VOPP1: variants seen among roughly 807,000 people sequenced by gnomAD.
The protein encoded by VOPP1 is VOPP1 WW domain binding protein.
Under a neutral mutation model 23.5 loss-of-function variants are expected in VOPP1, and 8 were observed. The ratio of observed to expected loss-of-function variants is 0.34; its 90% CI spans 0.20 to 0.61. VOPP1 has a LOEUF of 0.61. VOPP1 is among the 20% of genes least tolerant of loss of function. The probability of loss-of-function intolerance (pLI) is 0.78; values close to 1 mark genes in which losing one functional copy is unlikely to be tolerated. For synonymous variants in VOPP1, 83 were observed against 97.3 expected, an observed-to-expected ratio of 0.85 and a Z score of 0.86; for missense variants, 174 against 238.1, an observed-to-expected ratio of 0.73 and a Z score of 1.77.
At chr7:55,568,943 T>G (rs78360685) in intron 1 of VOPP1, among the ~76,000 whole-genome samples, 5,613 of 152,236 alleles carry the variant, frequency 0.037, 133 homozygotes, top group Non-Finnish European at 0.057. Context: ...AACAAAGGCA[T>G]AGAACCTTAG....
intron 1 of VOPP1, among the ~76,000 whole-genome samples, chr7:55,527,349 A>G (rs1796249235): frequency 6.6e-6 from 1 of 152,236 alleles, no homozygotes. Context: ...CTTAGAGGGA[A>G]GAAAGCAGAT....
At chr7:55,467,368 G>C (rs781227985), downstream of VOPP1, among the ~76,000 whole-genome samples, 3 of 152,182 alleles carry the variant, frequency 2.0e-5, no homozygotes, top group Non-Finnish European at 2.9e-5. Context: ...AGCTATTCTC[G>C]CAACAGCCAT....
At chr7:55,549,095 A>C (rs1012113081) in intron 1 of VOPP1, among the ~76,000 whole-genome samples, 10 of 152,186 alleles carry the variant, frequency 6.6e-5, no homozygotes, top group Admixed American at 2.0e-4. Context: ...CAACACTCCA[A>C]GAGGCTTGCC....
At chr7:55,504,517 C>A (rs1464353936) in intron 2 of VOPP1, among the ~76,000 whole-genome samples, 2 of 152,234 alleles carry the variant, frequency 1.3e-5, no homozygotes, top group Admixed American at 1.3e-4. Context: ...GACTGCAGAG[C>A]TCTGTGCCTC....
chr7:55,561,253 A>G (rs1483898777), intron 1 of VOPP1, among the ~76,000 whole-genome samples: 1 of 151,766 alleles, frequency 6.6e-6, no homozygotes, highest in African/African-American at 2.4e-5. Context: ...CTTCAACTCT[A>G]TGTGCACCTT....
intron 2 of VOPP1, among the ~76,000 whole-genome samples, chr7:55,507,404 T>C (rs1281156772): frequency 1.3e-5 from 2 of 151,992 alleles, no homozygotes; most frequent in African/African-American, 4.8e-5. Flanking sequence ...TTCTGGCTTT[T>C]CTGAGCAGGT....
chr7:55,551,987 C>T (rs932205601), intron 1 of VOPP1, among the ~76,000 whole-genome samples: 2 of 149,036 alleles, frequency 1.3e-5, no homozygotes, highest in African/African-American at 2.5e-5. Flanking sequence ...TTGCAGTGAC[C>T]CTGCAGCCTG....
intron 4 of VOPP1, among the ~76,000 whole-genome samples, chr7:55,476,441 C>CGGGGGGGGGGGGGGGGGGGGGGGG (rs1481944079): frequency 4.8e-5 from 4 of 83,098 alleles, no homozygotes; most frequent in Non-Finnish European, 6.9e-5. Flanking sequence ...GGGGGGTGGG[C>CGGGGGGGGGGGGGGGGGGGGGGGG]GGGGGGGCTG....
chr7:55,473,604 C>A (rs1478814465), intron 4 of VOPP1, among the ~76,000 whole-genome samples: 1 of 152,196 alleles, frequency 6.6e-6, no homozygotes, highest in African/African-American at 2.4e-5. Context: ...TAGTGACAAG[C>A]TGAGGAGCAG....
intron 4 of VOPP1, among the ~76,000 whole-genome samples, chr7:55,483,849 T>C (rs1353571357): frequency 6.6e-6 from 1 of 152,208 alleles, no homozygotes; most frequent in Non-Finnish European, 1.5e-5. Context: ...CTCCGCCTCC[T>C]GGGTTCAAGC....
At chr7:55,481,676 C>T (rs1792721981) in intron 4 of VOPP1, among the ~76,000 whole-genome samples, 1 of 152,204 alleles carries the variant, frequency 6.6e-6, no homozygotes, top group Non-Finnish European at 1.5e-5. Context: ...CATTTACAGA[C>T]ATCTACAAAC....
At chr7:55,514,995 C>T (rs1230390714) in intron 2 of VOPP1, among the ~76,000 whole-genome samples, 4 of 152,180 alleles carry the variant, frequency 2.6e-5, no homozygotes, top group African/African-American at 9.7e-5. Flanking sequence ...ACACTTGCAC[C>T]TCTGTCAGCT....
intron 3 of VOPP1, chr7:55,492,762 T>C (rs1299318236): frequency 1.6e-5 from 3 of 186,224 alleles, no homozygotes; most frequent in African/African-American, 2.3e-5. Context: ...AGCTCGACAT[T>C]TTAGTTAGAA....
chr7:55,565,510 A>G (rs1166496941), intron 1 of VOPP1, among the ~76,000 whole-genome samples: 1 of 152,268 alleles, frequency 6.6e-6, no homozygotes, highest in African/African-American at 2.4e-5. Flanking sequence ...CCATGGTACA[A>G]AACAATATGG....
rs200064262 is a variant in VOPP1 at position 55,457,258 on chromosome 7, T to TG, written n.418-21085dup. Among the ~76,000 whole-genome samples, 129 of 152,298 alleles carry TG rather than the reference T, an allele frequency of 8.5e-4. 4 individuals carry two copies. In the East Asian group the frequency reaches 0.023, roughly 27 times the overall value. On this transcript the variant is annotated intron_variant and non_coding_transcript_variant, in intron 4 of 4. Coordinates refer to the VOPP1 transcript ENST00000462326. ...TTCCAATCCATGTTGCTGCAAATGA[T>TG]GGAATTTCATTTTTTAATGTTGCTG...
At chr7:55,530,118 G>A (rs972596845) in intron 1 of VOPP1, among the ~76,000 whole-genome samples, 1 of 152,006 alleles carries the variant, frequency 6.6e-6, no homozygotes, top group African/African-American at 2.4e-5. Context: ...ACCTGGAGTG[G>A]AACTTCCAGG....
At chr7:55,539,591 T>A (rs1328850784) in intron 1 of VOPP1, 1 of 152,176 alleles carries the variant, frequency 6.6e-6, no homozygotes, top group Non-Finnish European at 1.5e-5. Flanking sequence ...AAGGGCCACA[T>A]GTGAGGCTGA....
At chr7:55,523,487 G>A (rs1795997306) in intron 1 of VOPP1, among the ~76,000 whole-genome samples, 1 of 152,076 alleles carries the variant, frequency 6.6e-6, no homozygotes, top group African/African-American at 2.4e-5. Flanking sequence ...GAGGCCAGAG[G>A]GGCAAAGCAC....
At chr7:55,560,521 A>C (rs1797951078) in intron 1 of VOPP1, among the ~76,000 whole-genome samples, 1 of 152,198 alleles carries the variant, frequency 6.6e-6, no homozygotes, top group South Asian at 2.1e-4. Context: ...GGCAGTCCCT[A>C]GATGCTGGGA....
Sources: gnomAD v4.1 joint callset for allele counts (sites outside exome capture counted in the v4.1 genomes callset) on GRCh38, gnomAD v4.1.1 for gene constraint, MANE v1.5 for transcripts, NCBI Gene and HGNC (gene_info 2026-07-23, HGNC 2026-07-21) for gene names.